Variants in SLC25A42 observed in about 807,000 individuals in gnomAD.
The protein encoded by SLC25A42 is solute carrier family 25 member 42, also known as mitochondrial coenzyme A transporter SLC25A42.
In SLC25A42, 19 loss-of-function variants were observed where a neutral mutation model predicts 34.7. That is an observed-to-expected ratio of 0.55 (90% CI 0.38 to 0.80). The LOEUF (loss-of-function observed/expected upper bound fraction) is 0.80, where lower values mean the gene tolerates loss of function less well. SLC25A42 is among the 30% of genes least tolerant of loss of function. SLC25A42 has a pLI of 0.00. For missense variants in SLC25A42, 364 were observed against 441.3 expected, an observed-to-expected ratio of 0.82 and a Z score of 1.57; for synonymous variants, 205 against 191.2, an observed-to-expected ratio of 1.07 and a Z score of -0.59.
intron 7 of SLC25A42, 80 bp downstream of exon 7, chr19:19,108,125 AC>A: frequency 6.8e-7 from 1 of 1,475,368 alleles, no homozygotes; most frequent in Non-Finnish European, 9.1e-7. Context: ...GGTCACATAG[AC>A]CTGGAGACCA....
At chr19:19,101,645 G>A in intron 2 of SLC25A42, 136 bp from the exon 3 acceptor site, 5 of 715,394 alleles carry the variant, frequency 7.0e-6, no homozygotes, top group Non-Finnish European at 1.1e-5. Context: ...CCAGAACCAA[G>A]CAAGGCCAAC....
intron 2 of SLC25A42, among the ~76,000 whole-genome samples, chr19:19,100,524 C>G (rs2059790468): frequency 6.6e-6 from 1 of 152,058 alleles, no homozygotes; most frequent in Non-Finnish European, 1.5e-5. Context: ...CCTTTTCACC[C>G]TAGCCTCTGA....
chr19:19,104,231 T>C (rs984477396), intron 3 of SLC25A42, among the ~76,000 whole-genome samples: 1 of 152,062 alleles, frequency 6.6e-6, no homozygotes, highest in Non-Finnish European at 1.5e-5. Flanking sequence ...CCCCTTTAAG[T>C]GCGCATGAGC....
At chr19:19,097,964 GAAAA>G in intron 2 of SLC25A42, among the ~76,000 whole-genome samples, 1 of 145,048 alleles carries the variant, frequency 6.9e-6, no homozygotes, top group African/African-American at 2.5e-5. Flanking sequence ...CCCTGTCTCA[GAAAA>G]AAAAAAAAAA....
At chr19:19,089,637 G>GA (rs899871585) in intron 1 of SLC25A42, among the ~76,000 whole-genome samples, 12 of 151,946 alleles carry the variant, frequency 7.9e-5, no homozygotes, top group Non-Finnish European at 1.3e-4. Flanking sequence ...GGAGGCCAAG[G>GA]AGGGTGGATC....
chr19:19,080,041 C>T (rs2059673266), intron 1 of SLC25A42, among the ~76,000 whole-genome samples: 1 of 152,176 alleles, frequency 6.6e-6, no homozygotes, highest in African/African-American at 2.4e-5. Flanking sequence ...TCCACTTGCT[C>T]GCCTGGCAGG....
chr19:19,072,469 C>T (rs2059636033), intron 1 of SLC25A42, among the ~76,000 whole-genome samples: 1 of 150,710 alleles, frequency 6.6e-6, no homozygotes, highest in Admixed American at 6.6e-5. Flanking sequence ...TCTCTGCCTC[C>T]TGGGCTCAAG....
chr19:19,106,457 CCT>C, intron 6 of SLC25A42, 72 bp downstream of exon 6: 1 of 1,317,776 alleles, frequency 7.6e-7, no homozygotes, highest in South Asian at 1.3e-5. Flanking sequence ...GGTCGGAATC[CCT>C]CTCTCTATCG....
chr19:19,074,496 A>G (rs1344703853), intron 1 of SLC25A42, among the ~76,000 whole-genome samples: 1 of 152,226 alleles, frequency 6.6e-6, no homozygotes, highest in Non-Finnish European at 1.5e-5. Flanking sequence ...ATCCACAGAG[A>G]AACTGTCCCC....
chr19:19,099,169 C>T (rs2059781711), intron 2 of SLC25A42, among the ~76,000 whole-genome samples: 1 of 152,184 alleles, frequency 6.6e-6, no homozygotes, highest in Non-Finnish European at 1.5e-5. Flanking sequence ...CTCATGGAAC[C>T]AGACGTCTGC....
chr19:19,110,600 C>T lies in SLC25A42; in HGVS notation c.681C>T (p.Phe227=), dbSNP rs1230952932. The T allele has an allele frequency of 1.0e-5, 15 of 1,485,382 alleles. No homozygotes were observed. Among genetic ancestry groups the T allele is most frequent in the Admixed American group, 2.3e-5 (1 of 42,918 alleles). 92.0% of individuals were successfully genotyped at this position (1,485,382 alleles called of 1,614,324 possible). A position where few individuals can be genotyped will look rare whatever the true frequency, so the allele number is the denominator to read the frequency against. Residue 227 remains phenylalanine (F), a synonymous_variant, in exon 8 of 8, where the codon TTC becomes TTT. Transcript: ENST00000318596. ...GCGGCCGCCGGCAGCCCTACCCCTTCGAGCGCATGATCTTCGGCGCCTGCG... is the reference window on the plus strand; with the variant it reads ...GCGGCCGCCGGCAGCCCTACCCCTTTGAGCGCATGATCTTCGGCGCCTGCG... ...EYSGRRQPYP[F]ERMIFGACAG...
chr19:19,102,003 G>T, intron 3 of SLC25A42, 117 bp downstream of exon 3: 2 of 688,990 alleles, frequency 2.9e-6, no homozygotes, highest in Non-Finnish European at 2.4e-6. Flanking sequence ...TTAGAAATAA[G>T]GTTTTTTGTT....
Position 19,106,335 on chromosome 19 carries a change from C to T in SLC25A42, c.447C>T (p.Thr149=). 6.2e-7 allele frequency: 1 copy of T among 1,613,802 alleles called. No homozygotes were observed. Among genetic ancestry groups the T allele is most frequent in the Non-Finnish European group, 8.5e-7 (1 of 1,179,976 alleles). Residue 149 remains threonine, a synonymous_variant, in exon 6 of 8, where the codon ACC becomes ACT. Coordinates refer to ENST00000318596, the MANE Select transcript of SLC25A42 (RefSeq NM_178526.5). ...CTGGAACGACAGCCGCTTCACTGAC[C>T]TACCCCCTGGACCTGGTCAGAGCGC... is the stretch of plus-strand genomic sequence containing the variant. The part of the protein sequence containing the change: ...ALAGTTAASL[T]YPLDLVRARM...
chr19:19,092,074 T>C (rs945302251), intron 1 of SLC25A42, among the ~76,000 whole-genome samples: 20 of 152,272 alleles, frequency 1.3e-4, no homozygotes, highest in Admixed American at 1.2e-3. Context: ...TGTGGGATCA[T>C]GCACTGGCTG....
chr19:19,087,314 G>A (rs1174144653), intron 1 of SLC25A42, among the ~76,000 whole-genome samples: 1 of 152,114 alleles, frequency 6.6e-6, no homozygotes, highest in Non-Finnish European at 1.5e-5. Flanking sequence ...TTGTGACAGA[G>A]TCTCGCTCTG....
rs1393943359 is a variant in SLC25A42, at chr19:19,109,189, C to T, written c.649+1144C>T. The stretch of plus-strand genomic sequence containing the variant: ...GGGTGCATCCACCAGCATCTGTGCT[C>T]TGTTCCGCCTTTTTAGTGGCTGCAC... On this transcript the variant is annotated intron_variant, in intron 7 of 7. Coordinates refer to ENST00000318596, the MANE Select transcript of SLC25A42 (RefSeq NM_178526.5). This position sits in a 1 kb window ranked among gnomAD's most constrained non-coding sequence, Gnocchi z 4.1. Among the ~76,000 whole-genome samples, 6 of 152,384 alleles carry T rather than the reference C, an allele frequency of 3.9e-5. No homozygotes were observed. Among genetic ancestry groups the T allele is most frequent in the Non-Finnish European group, 7.3e-5 (5 of 68,038 alleles).
chr19:19,097,367 C>T (rs1024206034), intron 2 of SLC25A42, among the ~76,000 whole-genome samples: 3 of 152,186 alleles, frequency 2.0e-5, no homozygotes, highest in African/African-American at 7.2e-5. Flanking sequence ...AGGGCAGGCA[C>T]GTGCCTTGAA....
At chr19:19,099,241 A>G (rs2059782120) in intron 2 of SLC25A42, among the ~76,000 whole-genome samples, 1 of 152,164 alleles carries the variant, frequency 6.6e-6, no homozygotes, top group Non-Finnish European at 1.5e-5. Context: ...AGAAGCTAGG[A>G]GAAGATCAAA....
chr19:19,074,074 C>T (rs1163389954), intron 1 of SLC25A42, among the ~76,000 whole-genome samples: 1 of 152,190 alleles, frequency 6.6e-6, no homozygotes, highest in Non-Finnish European at 1.5e-5. Context: ...AATGTGAGTA[C>T]CATTCAGTAC....
Sources: gnomAD v4.1 joint callset for allele counts (sites outside exome capture counted in the v4.1 genomes callset) on GRCh38, gnomAD v4.1.1 for gene constraint, Gnocchi (gnomAD v3.1) non-coding constraint, MANE v1.5 for transcripts, NCBI Gene and HGNC (gene_info 2026-07-23, HGNC 2026-07-21) for gene names.